The following BCL11A variants were observed in gnomAD, a reference collection of about 807,000 sequenced individuals.
BCL11A encodes the protein BCL11 transcription factor A, also known as B cell CLL/lymphoma 11A.
In BCL11A, 2 loss-of-function variants were observed where a neutral mutation model predicts 55.9. The ratio of observed to expected loss-of-function variants is 0.04; its 90% confidence interval spans 0.01 to 0.11. The LOEUF (loss-of-function observed/expected upper bound fraction) is 0.11, where lower values mean the gene tolerates loss of function less well. Among genes scored for constraint, BCL11A ranks in the 10% least tolerant of loss-of-function variants. The pLI, the probability that BCL11A is intolerant of heterozygous loss-of-function variation, is 1.00. For missense variants in BCL11A, 817 were observed against 1,137.1 expected (o/e 0.72, Z 4.05); for synonymous variants, 465 against 473.4 (o/e 0.98, Z 0.23).
intron 2 of BCL11A, among the ~76,000 whole-genome samples, chr2:60,519,413 A>C (rs1341427309): frequency 6.6e-6 from 1 of 152,250 alleles, no homozygotes. Context: ...GATTAAAAAC[A>C]TGTTGGAACG....
intron 2 of BCL11A, among the ~76,000 whole-genome samples, chr2:60,531,746 T>A (rs1382798496): frequency 6.6e-6 from 1 of 152,008 alleles, no homozygotes; most frequent in South Asian, 2.1e-4. Flanking sequence ...CAAGGCAGGG[T>A]CCATAACGTC....
chr2:60,459,810 GA>G lies in BCL11A; in HGVS notation c.*593del, dbSNP rs1351446384. The G allele has an allele frequency of 1.9e-5, 20 of 1,043,170 alleles. No individual in the cohort carries two copies. The highest frequency in any genetic ancestry group is 1.7e-4 in the Admixed American group (3 of 17,936). 64.6% of individuals were successfully genotyped at this position (1,043,170 alleles called of 1,614,324 possible). A position where few individuals can be genotyped will look rare whatever the true frequency, so the allele number is the denominator to read the frequency against. Reference sequence around the variant, plus strand: ...TAGAGACAGACATTTAGCTCATAGAGATTTTTTTTCAGTGCTATCTATTCTG... The same window carrying G: ...TAGAGACAGACATTTAGCTCATAGAGTTTTTTTTCAGTGCTATCTATTCTG... On this transcript the variant is annotated 3_prime_UTR_variant, in exon 4 of 4. Coordinates refer to ENST00000642384, the MANE Select transcript of BCL11A (RefSeq NM_022893.4).
At chr2:60,514,495 TAAAAAA>T (rs58972358) in intron 2 of BCL11A, among the ~76,000 whole-genome samples, 4 of 119,342 alleles carry the variant, frequency 3.4e-5, no homozygotes, top group East Asian at 5.1e-4. Flanking sequence ...CATCTCTACT[TAAAAAA>T]AAAAAAAAAA....
chr2:60,521,099 A>ACACT (rs1470013488), intron 2 of BCL11A, among the ~76,000 whole-genome samples: 55 of 76,284 alleles, frequency 7.2e-4, no homozygotes, highest in African/African-American at 2.3e-3. Context: ...ACACACACAC[A>ACACT]CTCACACACA....
intron 2 of BCL11A, among the ~76,000 whole-genome samples, chr2:60,469,901 G>A (rs1677106170): frequency 6.6e-6 from 1 of 152,110 alleles, no homozygotes; most frequent in Admixed American, 6.5e-5. Context: ...GGGGAGGGCG[G>A]GAGACAAGAA....
rs1169175530 is a variant in BCL11A, at chr2:60,467,168, ATGGTGGTGG to A, written c.487+1555_487+1563del. Among the ~76,000 whole-genome samples the A allele has an allele frequency of 2.8e-3, 104 of 36,826 alleles. 1 individual carries two copies. Among genetic ancestry groups the A allele is most frequent in the South Asian group, 0.016 (18 of 1,146 alleles). 24.2% of individuals were successfully genotyped at this position (36,826 alleles called of 152,430 possible). A position where few individuals can be genotyped will look rare whatever the true frequency, so the allele number is the denominator to read the frequency against. On this transcript the variant is annotated intron_variant, in intron 3 of 3. Transcript: ENST00000642384. ...GGTGATGGTGGTGGTGGTGGTGGTG[ATGGTGGTGG>A]TGGTGGTGGTGATGGTGGTGGTGAT...
intron 2 of BCL11A, among the ~76,000 whole-genome samples, chr2:60,469,056 G>C (rs1446178484): frequency 6.6e-6 from 1 of 152,178 alleles, no homozygotes; most frequent in Admixed American, 6.5e-5. Flanking sequence ...AAGTGAAAGG[G>C]TTTGTTTTAG....
At chr2:60,473,761 G>C (rs1251767201) in intron 2 of BCL11A, among the ~76,000 whole-genome samples, 1 of 152,200 alleles carries the variant, frequency 6.6e-6, no homozygotes, top group Non-Finnish European at 1.5e-5. Context: ...GACTTGAGTT[G>C]TGTCAATCTG....
At chr2:60,513,036 C>G (rs1185677434) in intron 2 of BCL11A, among the ~76,000 whole-genome samples, 1 of 152,116 alleles carries the variant, frequency 6.6e-6, no homozygotes, top group Non-Finnish European at 1.5e-5. Flanking sequence ...CTGGTTACCC[C>G]CTGAGAAAGG....
chr2:60,516,798 A>T (rs895382836), intron 2 of BCL11A, among the ~76,000 whole-genome samples: 20 of 152,266 alleles, frequency 1.3e-4, no homozygotes, highest in African/African-American at 4.8e-4. Context: ...GAGTGCAGAC[A>T]TAAGACTAAA....
At chr2:60,493,377 C>T (rs913400189) in intron 2 of BCL11A, among the ~76,000 whole-genome samples, 1 of 152,064 alleles carries the variant, frequency 6.6e-6, no homozygotes, top group Non-Finnish European at 1.5e-5. Flanking sequence ...AGTTTGAGTC[C>T]AGGGAGCCCT....
intron 2 of BCL11A, among the ~76,000 whole-genome samples, chr2:60,471,637 C>T (rs1242996324): frequency 6.6e-6 from 1 of 152,158 alleles, no homozygotes; most frequent in African/African-American, 2.4e-5. Flanking sequence ...AGGAGCTGCC[C>T]CTGGTTGAGG....
At chr2:60,521,380 T>C (rs1026076230) in intron 2 of BCL11A, among the ~76,000 whole-genome samples, 5 of 152,172 alleles carry the variant, frequency 3.3e-5, no homozygotes, top group African/African-American at 9.7e-5. Context: ...TGGGCCTGGG[T>C]CTGGGAATGG....
chr2:60,465,138 G>A (rs1483096601), intron 3 of BCL11A, among the ~76,000 whole-genome samples: 2 of 152,284 alleles, frequency 1.3e-5, no homozygotes, highest in East Asian at 3.9e-4. Context: ...GCTCATGCCG[G>A]TGTACCATAT....
Position 60,459,640 on chromosome 2 carries a change from T to C in BCL11A, c.*764A>G. ...AATTAAGCTACAAGTTTATAACAAG[T>C]AGAAAGAACCATCGATGTGGTTTTA... On this transcript the variant is annotated 3_prime_UTR_variant, in exon 4 of 4. Coordinates refer to ENST00000642384, the MANE Select transcript of BCL11A (RefSeq NM_022893.4). 1.2e-5 allele frequency: 12 copies of C among 1,031,844 alleles called. No homozygotes were observed. The highest frequency in any genetic ancestry group is 1.4e-5 in the Non-Finnish European group (12 of 857,768). 63.9% of individuals were successfully genotyped at this position (1,031,844 alleles called of 1,614,324 possible).
intron 1 of BCL11A, among the ~76,000 whole-genome samples, chr2:60,551,676 G>A (rs1057472567): frequency 6.6e-6 from 1 of 152,162 alleles, no homozygotes; most frequent in African/African-American, 2.4e-5. Context: ...AGTCTGGGAG[G>A]TCGAGAAGAG....
chr2:60,458,479 T>G lies in BCL11A; in HGVS notation c.*1925A>C. The stretch of plus-strand genomic sequence containing the variant: ...AAAAAGTTTTGTACAAAAAAATCCT[T>G]GCACTGTAGAAGCGAAAGCAATCAT... On this transcript the variant is annotated 3_prime_UTR_variant, in exon 4 of 4. Transcript: ENST00000642384. 1 of 1,030,496 alleles carries G rather than the reference T, an allele frequency of 9.7e-7. No individual in the cohort carries two copies. Among genetic ancestry groups the G allele is most frequent in the Non-Finnish European group, 1.2e-6 (1 of 856,322 alleles). 63.8% of individuals were successfully genotyped at this position (1,030,496 alleles called of 1,614,324 possible). A position where few individuals can be genotyped will look rare whatever the true frequency, so the allele number is the denominator to read the frequency against.
intron 2 of BCL11A, among the ~76,000 whole-genome samples, chr2:60,506,960 T>G (rs1343418281): frequency 6.6e-6 from 1 of 152,100 alleles, no homozygotes; most frequent in Non-Finnish European, 1.5e-5. Flanking sequence ...GTAAGGCATG[T>G]GATGAACAGA....
chr2:60,524,209 A>G (rs1434423751), intron 2 of BCL11A, among the ~76,000 whole-genome samples: 1 of 152,240 alleles, frequency 6.6e-6, no homozygotes, highest in Non-Finnish European at 1.5e-5. Flanking sequence ...CCTATCATGC[A>G]TTAACAATAC....
Sources: gnomAD v4.1 joint callset for allele counts (sites outside exome capture counted in the v4.1 genomes callset) on GRCh38, gnomAD v4.1.1 for gene constraint, MANE v1.5 for transcripts, NCBI Gene and HGNC (gene_info 2026-07-23, HGNC 2026-07-21) for gene names.